ACTR3C: variants seen among roughly 807,000 people sequenced by gnomAD.
The protein encoded by ACTR3C is actin-related protein 3C.
In ACTR3C, 18 loss-of-function variants were observed where a neutral mutation model predicts 26.3. The observed-to-expected ratio is 0.68, with a 90% CI of 0.47 to 1.01. ACTR3C has a LOEUF of 1.01. Among genes scored for constraint, ACTR3C ranks in the 50% least tolerant of loss-of-function variants. The probability of loss-of-function intolerance (pLI) is 0.00; values close to 1 mark genes in which losing one functional copy is unlikely to be tolerated. For missense variants in ACTR3C, 184 were observed against 250.7 expected, an observed-to-expected ratio of 0.73 and a Z score of 1.80; for synonymous variants, 55 against 94.5, an observed-to-expected ratio of 0.58 and a Z score of 2.42.
the ACTR3C span, among the ~76,000 whole-genome samples, chr7:149,889,188 A>G: frequency 6.6e-6 from 1 of 152,192 alleles, no homozygotes; most frequent in Non-Finnish European, 1.5e-5. Flanking sequence ...AAAAGTGGGC[A>G]AATTTGAACT....
At chr7:150,047,329 C>A in the ACTR3C span, among the ~76,000 whole-genome samples, 37 of 152,224 alleles carry the variant, frequency 2.4e-4, no homozygotes, top group African/African-American at 8.4e-4. Flanking sequence ...ATCCAGGGAA[C>A]GTAAGGCGAA....
the ACTR3C span, among the ~76,000 whole-genome samples, chr7:149,954,904 T>G: frequency 6.6e-6 from 1 of 152,232 alleles, no homozygotes; most frequent in African/African-American, 2.4e-5. Context: ...AAGGTTTAGC[T>G]CCTTTTGATT....
intron 1 of ACTR3C, among the ~76,000 whole-genome samples, chr7:150,305,348 G>A (rs559147455): frequency 1.3e-5 from 2 of 152,100 alleles, no homozygotes; most frequent in Admixed American, 6.6e-5. Flanking sequence ...CGCCCTCCTC[G>A]GAGGCACCTG....
the ACTR3C span, among the ~76,000 whole-genome samples, chr7:150,052,939 T>A: frequency 1.1e-5 from 1 of 89,028 alleles, no homozygotes; most frequent in African/African-American, 3.8e-5. Context: ...TCAATATCTG[T>A]AGGCTATACG....
At chr7:150,221,730 C>A in the ACTR3C span, among the ~76,000 whole-genome samples, 1 of 152,136 alleles carries the variant, frequency 6.6e-6, no homozygotes, top group Non-Finnish European at 1.5e-5. Flanking sequence ...CACGGTGGCT[C>A]ACGCCTGTAA....
At chr7:149,914,046 C>A in the ACTR3C span, among the ~76,000 whole-genome samples, 1 of 151,740 alleles carries the variant, frequency 6.6e-6, no homozygotes, top group Non-Finnish European at 1.5e-5. Flanking sequence ...CCATCACACC[C>A]GGCTAAGTTT....
chr7:149,894,763 A>G, the ACTR3C span, among the ~76,000 whole-genome samples: 1 of 152,068 alleles, frequency 6.6e-6, no homozygotes, highest in African/African-American at 2.4e-5. Flanking sequence ...TGTGACAAAA[A>G]GAGAACCTTT....
the ACTR3C span, among the ~76,000 whole-genome samples, chr7:149,978,626 T>C: frequency 5.3e-5 from 8 of 152,274 alleles, no homozygotes; most frequent in Admixed American, 3.9e-4. Context: ...GTTGCTTGAC[T>C]ACATGACATG....
chr7:150,264,264 A>C (rs1017855477), intron 6 of ACTR3C, among the ~76,000 whole-genome samples: 23 of 152,248 alleles, frequency 1.5e-4, no homozygotes, highest in Non-Finnish European at 1.0e-4. Context: ...CCAAGTGTCC[A>C]GCTCAGCACG....
chr7:149,948,531 T>C, the ACTR3C span, among the ~76,000 whole-genome samples: 1 of 150,594 alleles, frequency 6.6e-6, no homozygotes, highest in South Asian at 2.1e-4. Flanking sequence ...TGCCCCACCC[T>C]CTCCATCCCA....
chr7:150,031,115 G>T, the ACTR3C span, among the ~76,000 whole-genome samples: 1 of 151,994 alleles, frequency 6.6e-6, no homozygotes, highest in Non-Finnish European at 1.5e-5. Flanking sequence ...AAATTAGCCA[G>T]GCATGCTAGT....
chr7:150,251,405 C>A (rs192859713), intron 6 of ACTR3C, among the ~76,000 whole-genome samples: 2 of 152,078 alleles, frequency 1.3e-5, no homozygotes, highest in African/African-American at 4.8e-5. Flanking sequence ...TGAGATAAAT[C>A]AAATTTGAAA....
the ACTR3C span, among the ~76,000 whole-genome samples, chr7:150,006,411 A>G: frequency 2.0e-5 from 3 of 146,964 alleles, no homozygotes; most frequent in South Asian, 2.2e-4. Flanking sequence ...GTTAGCCAGG[A>G]TGGTCTCGAT....
the ACTR3C span, among the ~76,000 whole-genome samples, chr7:150,199,120 T>C: frequency 2.7e-5 from 4 of 150,226 alleles, no homozygotes; most frequent in Admixed American, 2.6e-4. Flanking sequence ...AACAGCTCAT[T>C]GAGAACGGGC....
the ACTR3C span, among the ~76,000 whole-genome samples, chr7:150,042,089 T>A: frequency 3.0e-5 from 1 of 33,850 alleles, no homozygotes; most frequent in Non-Finnish European, 6.2e-5. Context: ...TCTCAGTCCC[T>A]GCCTCGCGGG....
At chr7:150,200,490 A>G in the ACTR3C span, among the ~76,000 whole-genome samples, 3 of 152,242 alleles carry the variant, frequency 2.0e-5, no homozygotes, top group Admixed American at 2.0e-4. Context: ...AGATTTGAAG[A>G]CAATATACAC....
At chr7:149,971,331 C>A in the ACTR3C span, among the ~76,000 whole-genome samples, 1 of 152,122 alleles carries the variant, frequency 6.6e-6, no homozygotes, top group Non-Finnish European at 1.5e-5. Flanking sequence ...AGCCTGTGCC[C>A]TACCGATGGG....
chr7:150,048,624 G>A, the ACTR3C span, among the ~76,000 whole-genome samples: 1 of 151,870 alleles, frequency 6.6e-6, no homozygotes, highest in East Asian at 2.0e-4. Context: ...GGCGACTGAA[G>A]GTGCAGCCGG....
intron 6 of ACTR3C, among the ~76,000 whole-genome samples, chr7:150,264,319 C>T (rs578206415): frequency 2.0e-5 from 3 of 152,336 alleles, no homozygotes; most frequent in South Asian, 2.1e-4. Flanking sequence ...GCACCATCAG[C>T]GTGGCCACAG....
Sources: gnomAD v4.1 joint callset for allele counts (sites outside exome capture counted in the v4.1 genomes callset) on GRCh38, gnomAD v4.1.1 for gene constraint, MANE v1.5 for transcripts, NCBI Gene and HGNC (gene_info 2026-07-23, HGNC 2026-07-21) for gene names.